MYO10: variants seen among roughly 807,000 people sequenced by gnomAD.
The protein encoded by MYO10 is myosin X.
MYO10 carries 133 observed loss-of-function variants against 257.3 expected under a neutral mutation model. That is an observed-to-expected ratio of 0.52 (90% CI 0.45 to 0.60). The LOEUF (loss-of-function observed/expected upper bound fraction) is 0.60. MYO10 is among the 20% of genes least tolerant of loss of function. MYO10 has a pLI of 0.00. For synonymous variants in MYO10, 1,104 were observed against 1,028.6 expected (o/e 1.07, Z -1.40); for missense variants, 2,399 against 2,635.7 (o/e 0.91, Z 1.97).
At chr5:16,715,163 A>T (rs1463421489) in intron 19 of MYO10, among the ~76,000 whole-genome samples, 2 of 127,142 alleles carry the variant, frequency 1.6e-5, no homozygotes, top group Non-Finnish European at 3.4e-5. Flanking sequence ...AAAAAAAAAA[A>T]GATCAAATTG....
intron 19 of MYO10, chr5:16,738,317 G>A (rs1220325934): frequency 1.2e-5 from 12 of 985,396 alleles, no homozygotes; most frequent in Non-Finnish European, 1.4e-5. Context: ...GAGCAGGGGT[G>A]GGGATTAAGA....
Position 16,847,669 on chromosome 5 carries a change from G to A in MYO10, c.121-29502C>T, listed in dbSNP as rs535495648. Among the ~76,000 whole-genome samples the A allele has an allele frequency of 2.8e-3, 427 of 152,236 alleles. 2 individuals carry two copies. The highest frequency in any genetic ancestry group is 5.0e-3 in the Non-Finnish European group (341 of 68,008). Reference sequence around the variant, plus strand: ...CGCTTGAGCTTAGGAGGTTGAGACTGGAGTGAGTCGTGATTGTGCCACTGC... The same window carrying A: ...CGCTTGAGCTTAGGAGGTTGAGACTAGAGTGAGTCGTGATTGTGCCACTGC... On this transcript the variant is annotated intron_variant, in intron 2 of 40. Transcript: ENST00000513610.
intron 1 of MYO10, among the ~76,000 whole-genome samples, chr5:16,909,183 G>C (rs553324860): frequency 1.3e-5 from 2 of 152,310 alleles, no homozygotes; most frequent in Non-Finnish European, 2.9e-5. Context: ...TGGCAGGTAA[G>C]AGGGCATGTC....
intron 1 of MYO10, among the ~76,000 whole-genome samples, chr5:16,908,386 G>A (rs1745570793): frequency 6.6e-6 from 1 of 151,978 alleles, no homozygotes; most frequent in South Asian, 2.1e-4. Flanking sequence ...AAATTAGCTG[G>A]GTGTGATGGC....
At chr5:16,708,673 C>T (rs1304249722) in intron 21 of MYO10, among the ~76,000 whole-genome samples, 1 of 152,120 alleles carries the variant, frequency 6.6e-6, no homozygotes, top group Non-Finnish European at 1.5e-5. Flanking sequence ...GCAATCCTCC[C>T]ACTCTAGCCA....
At chr5:16,880,403 T>C (rs1744724523) in intron 1 of MYO10, among the ~76,000 whole-genome samples, 1 of 150,480 alleles carries the variant, frequency 6.6e-6, no homozygotes, top group Non-Finnish European at 1.5e-5. Context: ...CTCACAGAGT[T>C]CCCCGGAGAG....
rs753816358 is a variant in MYO10, at chr5:16,838,996, T to C, written c.121-20829A>G. On this transcript the variant is annotated intron_variant, in intron 2 of 40. Transcript: ENST00000513610. ...TCAAAATATTACTGCTCACTGACAA[T>C]GCACCTGGTCACCCAAGAGCTCTGA... Among the ~76,000 whole-genome samples the C allele has an allele frequency of 2.5e-4, 38 of 152,206 alleles. 1 individual carries two copies. The highest frequency in any genetic ancestry group is 4.6e-4 in the Non-Finnish European group (31 of 68,030).
At chr5:16,689,714 CAATT>C in intron 28 of MYO10, 106 bp downstream of exon 28, 2 of 838,412 alleles carry the variant, frequency 2.4e-6, no homozygotes, top group Non-Finnish European at 3.8e-6. Flanking sequence ...CAAAAAAAGT[CAATT>C]AAAATTTTTC....
intron 1 of MYO10, among the ~76,000 whole-genome samples, chr5:16,912,118 T>C (rs1745675785): frequency 6.6e-6 from 1 of 152,190 alleles, no homozygotes; most frequent in Non-Finnish European, 1.5e-5. Context: ...GTATATTTTA[T>C]GTGTGGCTCA....
chr5:16,776,257 G>A (rs1281182863), intron 9 of MYO10, among the ~76,000 whole-genome samples: 1 of 151,908 alleles, frequency 6.6e-6, no homozygotes, highest in East Asian at 1.9e-4. Context: ...TATATAGAAA[G>A]GAATATATTT....
intron 1 of MYO10, among the ~76,000 whole-genome samples, chr5:16,928,434 C>T (rs1192922649): frequency 1.3e-5 from 2 of 152,132 alleles, no homozygotes; most frequent in Admixed American, 6.5e-5. Flanking sequence ...CCTCAGGTAT[C>T]CACCTGCCTC....
intron 3 of MYO10, among the ~76,000 whole-genome samples, chr5:16,796,442 C>CGAAAGAAAGAAAGAA (rs1553997256): frequency 8.3e-6 from 1 of 120,764 alleles, no homozygotes; most frequent in African/African-American, 3.4e-5. Flanking sequence ...AAAAGAAAGA[C>CGAAAGAAAGAAAGAA]AGAAAGAAAG....
chr5:16,780,199 C>A lies in MYO10; in HGVS notation c.826+325G>T, dbSNP rs1741380440. 2.0e-5 allele frequency among the ~76,000 whole-genome samples: 3 copies of A among 151,866 alleles called. No homozygotes were observed. The South Asian group carries it at 6.3e-4, about 32-fold the overall frequency. Reference sequence around the variant, plus strand: ...TACAGGTGTGTGCCACTGCACCCAGCCAAAAATCAAATATTTAGAAATTAA... The same window carrying A: ...TACAGGTGTGTGCCACTGCACCCAGACAAAAATCAAATATTTAGAAATTAA... On this transcript the variant is annotated intron_variant, in intron 8 of 40. Transcript: ENST00000513610.
At position 16,672,676 on chromosome 5, in the gene MYO10, A is replaced by G; in HGVS notation, c.5309+13T>C. On this transcript the variant is annotated intron_variant, in intron 37 of 40. Transcript: ENST00000513610. ...TATTTGCTCTTCTGACACAGTAGGG[A>G]AAAGGAACCTACTTTTCAAACTTGG... is the stretch of plus-strand genomic sequence containing the variant. 1.2e-6 allele frequency: 2 copies of G among 1,613,802 alleles called. No homozygotes were observed. Among genetic ancestry groups the G allele is most frequent in the East Asian group, 2.2e-5 (1 of 44,892 alleles).
chr5:16,693,837 G>A (rs981747594), intron 27 of MYO10, among the ~76,000 whole-genome samples: 4 of 152,170 alleles, frequency 2.6e-5, no homozygotes, highest in Non-Finnish European at 4.4e-5. Context: ...TTCTATAAGG[G>A]TGTGGCAGAA....
At chr5:16,776,351 G>C (rs1257063092) in intron 9 of MYO10, among the ~76,000 whole-genome samples, 3 of 151,936 alleles carry the variant, frequency 2.0e-5, no homozygotes, top group Non-Finnish European at 4.4e-5. Context: ...CAAGGTTAAA[G>C]AGTAACGGGT....
At chr5:16,678,797 C>T (rs2126488555) in intron 33 of MYO10, among the ~76,000 whole-genome samples, 1 of 152,256 alleles carries the variant, frequency 6.6e-6, no homozygotes, top group African/African-American at 2.4e-5. Context: ...AGTAAAATAC[C>T]TGCCTCACCA....
At chr5:16,753,804 A>G (rs753846695) in intron 19 of MYO10, among the ~76,000 whole-genome samples, 27 of 152,158 alleles carry the variant, frequency 1.8e-4, no homozygotes, top group Admixed American at 7.9e-4. Flanking sequence ...TCTTTAAACT[A>G]TAAATGAGGA....
chr5:16,790,726 G>A (rs1273379857), intron 4 of MYO10, among the ~76,000 whole-genome samples: 2 of 151,872 alleles, frequency 1.3e-5, no homozygotes, highest in Admixed American at 6.6e-5. Flanking sequence ...GCCCAGTCTC[G>A]AGCATATCTT....
Sources: gnomAD v4.1 joint callset for allele counts (sites outside exome capture counted in the v4.1 genomes callset) on GRCh38, gnomAD v4.1.1 for gene constraint, MANE v1.5 for transcripts, NCBI Gene and HGNC (gene_info 2026-07-23, HGNC 2026-07-21) for gene names.